Variants in CSMD1 observed in about 807,000 individuals in gnomAD.
The protein encoded by CSMD1 is CUB and Sushi multiple domains 1.
CSMD1 carries 213 observed loss-of-function variants against 417.5 expected under a neutral mutation model. The ratio of observed to expected loss-of-function variants is 0.51; its 90% CI spans 0.46 to 0.57. CSMD1 has a LOEUF of 0.57. Among genes scored for constraint, CSMD1 ranks in the 20% least tolerant of loss-of-function variants. The pLI, the probability that CSMD1 is intolerant of heterozygous loss-of-function variation, is 0.00. For missense variants in CSMD1, 6,923 were observed against 4,529.7 expected (o/e 1.53, Z -15.17); for synonymous variants, 2,862 against 1,736.8 (o/e 1.65, Z -16.11).
At chr8:4,957,749 G>C (rs1254651544) in intron 1 of CSMD1, among the ~76,000 whole-genome samples, 1 of 151,950 alleles carries the variant, frequency 6.6e-6, no homozygotes, top group Non-Finnish European at 1.5e-5. Flanking sequence ...TTCTCTATAA[G>C]GACTCACCAT....
intron 10 of CSMD1, among the ~76,000 whole-genome samples, chr8:3,496,597 G>A (rs1399336640): frequency 6.6e-6 from 1 of 152,172 alleles, no homozygotes; most frequent in Non-Finnish European, 1.5e-5. Context: ...GGAGGCCGAG[G>A]AGGGTGGGTC....
intron 5 of CSMD1, among the ~76,000 whole-genome samples, chr8:3,782,405 G>C (rs1563074422): frequency 6.6e-6 from 1 of 152,130 alleles, no homozygotes; most frequent in South Asian, 2.1e-4. Flanking sequence ...CTAAAAAATA[G>C]ACTATAAATA....
chr8:4,186,279 GA>G (rs1563241603), intron 3 of CSMD1, among the ~76,000 whole-genome samples: 1 of 152,096 alleles, frequency 6.6e-6, no homozygotes, highest in Non-Finnish European at 1.5e-5. Flanking sequence ...AATTACAAGA[GA>G]AGGAGGCCCG....
intron 23 of CSMD1, among the ~76,000 whole-genome samples, chr8:3,325,916 A>G (rs1377809923): frequency 6.6e-6 from 1 of 152,248 alleles, no homozygotes; most frequent in Non-Finnish European, 1.5e-5. Flanking sequence ...AAATATAAAG[A>G]ATAATTCATT....
At chr8:3,557,467 T>G (rs556788432) in intron 10 of CSMD1, among the ~76,000 whole-genome samples, 1 of 152,320 alleles carries the variant, frequency 6.6e-6, no homozygotes, top group East Asian at 1.9e-4. Context: ...GACATAGGCT[T>G]CCTTGAAAAG....
At chr8:4,332,927 T>C (rs1211438996) in intron 3 of CSMD1, among the ~76,000 whole-genome samples, 1 of 146,620 alleles carries the variant, frequency 6.8e-6, no homozygotes, top group African/African-American at 2.6e-5. Context: ...CTATCACATT[T>C]TTTTCTTATA....
chr8:3,171,532 A>C (rs1300504187), intron 37 of CSMD1, among the ~76,000 whole-genome samples: 1 of 152,184 alleles, frequency 6.6e-6, no homozygotes, highest in Admixed American at 6.5e-5. Flanking sequence ...ACTAGTCATT[A>C]CTTATTCCAT....
intron 23 of CSMD1, among the ~76,000 whole-genome samples, chr8:3,342,450 A>C (rs1319406354): frequency 1.3e-5 from 2 of 152,216 alleles, no homozygotes; most frequent in Non-Finnish European, 2.9e-5. Flanking sequence ...AGATGAGTGA[A>C]GGATTTGACA....
intron 1 of CSMD1, among the ~76,000 whole-genome samples, chr8:4,993,817 G>C (rs1811608318): frequency 6.6e-6 from 1 of 152,168 alleles, no homozygotes; most frequent in African/African-American, 2.4e-5. Flanking sequence ...TGGGGTGTAT[G>C]GGTGCGAGGA....
intron 10 of CSMD1, among the ~76,000 whole-genome samples, chr8:3,514,994 A>T (rs1310008574): frequency 6.6e-6 from 1 of 152,226 alleles, no homozygotes; most frequent in East Asian, 1.9e-4. Context: ...ACAACATTTT[A>T]TACTGAAATT....
intron 5 of CSMD1, among the ~76,000 whole-genome samples, chr8:3,993,018 G>A (rs1019313386): frequency 5.4e-4 from 82 of 152,334 alleles, no homozygotes; most frequent in African/African-American, 1.9e-3. Context: ...CAAATGCTCT[G>A]TGGGTCCCTG....
intron 3 of CSMD1, among the ~76,000 whole-genome samples, chr8:4,228,988 C>G (rs148563403): frequency 6.6e-6 from 1 of 152,202 alleles, no homozygotes; most frequent in South Asian, 2.1e-4. Context: ...TTTTAAAGCG[C>G]GAACCTGGAC....
intron 5 of CSMD1, among the ~76,000 whole-genome samples, chr8:3,790,584 G>A (rs1379504749): frequency 6.6e-6 from 1 of 151,986 alleles, no homozygotes. Context: ...TTTTTTTTAT[G>A]TTTTTGGCAT....
intron 5 of CSMD1, among the ~76,000 whole-genome samples, chr8:3,962,383 C>T (rs992855961): frequency 6.6e-6 from 1 of 152,174 alleles, no homozygotes; most frequent in African/African-American, 2.4e-5. Flanking sequence ...GCAGCACGGG[C>T]GTTGTCACCA....
intron 1 of CSMD1, among the ~76,000 whole-genome samples, chr8:4,909,234 T>A (rs1805501392): frequency 6.6e-6 from 1 of 152,128 alleles, no homozygotes; most frequent in African/African-American, 2.4e-5. Flanking sequence ...GGTAGAGTGT[T>A]TTATAACCTT....
intron 5 of CSMD1, among the ~76,000 whole-genome samples, chr8:3,793,383 C>A (rs964767558): frequency 6.6e-6 from 1 of 152,068 alleles, no homozygotes; most frequent in African/African-American, 2.4e-5. Flanking sequence ...TGTTCAGAAA[C>A]CAACCCATAT....
chr8:4,242,641 T>C (rs1038662081), intron 3 of CSMD1, among the ~76,000 whole-genome samples: 12 of 152,174 alleles, frequency 7.9e-5, no homozygotes, highest in African/African-American at 2.7e-4. Flanking sequence ...CTTTGTGTGT[T>C]TGGAAATAGA....
intron 10 of CSMD1, among the ~76,000 whole-genome samples, chr8:3,513,668 C>T (rs566952389): frequency 6.6e-5 from 10 of 152,280 alleles, no homozygotes; most frequent in South Asian, 2.1e-4. Flanking sequence ...AGCCAATATG[C>T]CAGCAGGTCC....
chr8:3,466,797 A>G (rs912559944), intron 12 of CSMD1, among the ~76,000 whole-genome samples: 1 of 152,134 alleles, frequency 6.6e-6, no homozygotes, highest in Non-Finnish European at 1.5e-5. Flanking sequence ...ATGTATACGC[A>G]TAAAGGTCAC....
Sources: gnomAD v4.1 joint callset for allele counts (sites outside exome capture counted in the v4.1 genomes callset) on GRCh38, gnomAD v4.1.1 for gene constraint, MANE v1.5 for transcripts, NCBI Gene and HGNC (gene_info 2026-07-23, HGNC 2026-07-21) for gene names.